Variants in PRDM16 observed in about 807,000 individuals in gnomAD.
PRDM16 encodes histone-lysine N-methyltransferase PRDM16.
In PRDM16, 23 loss-of-function variants were observed where a neutral mutation model predicts 110.6. The observed-to-expected ratio is 0.21, with a 90% CI of 0.15 to 0.29. The LOEUF (loss-of-function observed/expected upper bound fraction) is 0.29. Among genes scored for constraint, PRDM16 ranks in the 10% least tolerant of loss-of-function variants. The pLI, the probability that PRDM16 is intolerant of heterozygous loss-of-function variation, is 1.00. For synonymous variants in PRDM16, 799 were observed against 781.8 expected, an observed-to-expected ratio of 1.02 and a Z score of -0.37; for missense variants, 1,615 against 1,794.3, an observed-to-expected ratio of 0.90 and a Z score of 1.81.
chr1:3,228,652 C>T (rs1310968857), intron 2 of PRDM16, among the ~76,000 whole-genome samples: 2 of 152,174 alleles, frequency 1.3e-5, no homozygotes, highest in Non-Finnish European at 2.9e-5. Flanking sequence ...AGGGCTTCGG[C>T]CTGTACATAT....
chr1:3,234,778 T>A (rs573426236), intron 2 of PRDM16, among the ~76,000 whole-genome samples: 1 of 152,188 alleles, frequency 6.6e-6, no homozygotes, highest in African/African-American at 2.4e-5. Context: ...TGATTTATTA[T>A]TCGGTAAATG....
rs766836035 is a variant in PRDM16, at chr1:3,435,480, C to T, written c.*1669C>T. The stretch of plus-strand genomic sequence containing the variant: ...CAATCATATGTTTTTGTTAAATTTG[C>T]GTTTCAGTTACATTTGCATTTAAGA... On this transcript the variant is annotated 3_prime_UTR_variant, in exon 17 of 17. Transcript: ENST00000270722. 10 of 229,556 alleles carry T rather than the reference C, an allele frequency of 4.4e-5. No individual in the cohort carries two copies. Among genetic ancestry groups the T allele is most frequent in the African/African-American group, 1.1e-4 (5 of 45,072 alleles). 14.2% of individuals were successfully genotyped at this position (229,556 alleles called of 1,614,324 possible).
intron 2 of PRDM16, among the ~76,000 whole-genome samples, chr1:3,234,792 C>T (rs770152021): frequency 3.9e-5 from 6 of 152,236 alleles, no homozygotes; most frequent in African/African-American, 9.6e-5. Context: ...GTAAATGCCA[C>T]GTGGGGTCTC....
chr1:3,226,635 C>G (rs1297706910), intron 2 of PRDM16, among the ~76,000 whole-genome samples: 1 of 152,130 alleles, frequency 6.6e-6, no homozygotes, highest in African/African-American at 2.4e-5. Flanking sequence ...TCCTTATTGC[C>G]CAGCCTCTAA....
At position 3,186,324 on chromosome 1, in the gene PRDM16, G is replaced by T. The variant is rs143467979; in HGVS notation, c.237G>T (p.Pro79=). Residue 79 remains proline (P), a synonymous_variant, in exon 2 of 17, where the codon CCG becomes CCT. Transcript: ENST00000270722. ...CTGTCTACATTCCTGAAGACATTCC[G>T]ATCCCAGCAGACTTCGAGCTCCGAG... ...EAPVYIPEDI[P]IPADFELRES... 225 of 1,612,144 alleles carry T rather than the reference G, an allele frequency of 1.4e-4. No homozygotes were observed. Among genetic ancestry groups the T allele is most frequent in the Non-Finnish European group, 1.6e-4 (183 of 1,179,730 alleles).
chr1:3,195,232 G>A (rs545191711), intron 2 of PRDM16, among the ~76,000 whole-genome samples: 1 of 152,328 alleles, frequency 6.6e-6, no homozygotes, highest in Admixed American at 6.5e-5. Flanking sequence ...TGCCGTGGAG[G>A]AGTCACAGCA....
intron 5 of PRDM16, among the ~76,000 whole-genome samples, chr1:3,399,681 C>A (rs980219139): frequency 6.6e-6 from 1 of 152,198 alleles, no homozygotes; most frequent in African/African-American, 2.4e-5. Context: ...TTCTCATTTG[C>A]AATCTAAATT....
At chr1:3,426,361 C>T (rs1266364311) in intron 14 of PRDM16, 136 bp downstream of exon 14, 5 of 648,052 alleles carry the variant, frequency 7.7e-6, no homozygotes, top group Non-Finnish European at 1.3e-5. Context: ...GGCCTCACCA[C>T]AGAGGGTGAG....
At chr1:3,073,188 TGGGTGAAGGGGACCCAGCA>T (rs977979420) in intron 1 of PRDM16, among the ~76,000 whole-genome samples, 2 of 152,116 alleles carry the variant, frequency 1.3e-5, no homozygotes, top group Non-Finnish European at 2.9e-5. Flanking sequence ...GCCGGGAGGC[TGGGTGAAGGGGACCCAGCA>T]GCCAGGGGCT....
chr1:3,148,470 C>A lies in PRDM16; in HGVS notation c.38-37655C>A, dbSNP rs370875941. 6.6e-6 allele frequency among the ~76,000 whole-genome samples: 1 copy of A among 152,174 alleles called. No individual in the cohort carries two copies. The highest frequency in any genetic ancestry group is 1.5e-5 in the Non-Finnish European group (1 of 68,018). On this transcript the variant is annotated intron_variant, in intron 1 of 16. Coordinates refer to ENST00000270722, the MANE Select transcript of PRDM16 (RefSeq NM_022114.4). This position sits in a 1 kb window ranked among gnomAD's most constrained non-coding sequence, Gnocchi z 5.0. Reference sequence around the variant, plus strand: ...CATTGGGTGCATCCAGCCACTCACCCGCAGCAGGTGGAACCCCTGCCTCAC... The same window carrying A: ...CATTGGGTGCATCCAGCCACTCACCAGCAGCAGGTGGAACCCCTGCCTCAC...
At position 3,388,925 on chromosome 1, in the gene PRDM16, G is replaced by A. The variant is rs370454939; in HGVS notation, c.573+3639G>A. 6.0e-4 allele frequency among the ~76,000 whole-genome samples: 91 copies of A among 152,348 alleles called. 1 individual carries two copies. The highest frequency in any genetic ancestry group is 6.8e-3 in the Middle Eastern group (2 of 294). ...CGCATCCCTCATGGTTCCATGCAGT[G>A]TACTGGCGCTCTAGCTGATGCTTTG... is the stretch of plus-strand genomic sequence containing the variant. On this transcript the variant is annotated intron_variant, in intron 4 of 16. Coordinates refer to ENST00000270722, the MANE Select transcript of PRDM16 (RefSeq NM_022114.4).
intron 8 of PRDM16, 138 bp from the exon 9 acceptor site, chr1:3,411,246 A>C: frequency 1.3e-6 from 1 of 789,596 alleles, no homozygotes; most frequent in African/African-American, 1.7e-5. Flanking sequence ...GCCCACGCAC[A>C]TGCACCCAGA....
At chr1:3,180,947 T>C (rs75792514) in intron 1 of PRDM16, among the ~76,000 whole-genome samples, 2 of 123,294 alleles carry the variant, frequency 1.6e-5, no homozygotes, top group Admixed American at 7.7e-5. Flanking sequence ...CACGCAGCCT[T>C]ACACACGCAG....
At chr1:3,311,931 C>T (rs1641471149) in intron 3 of PRDM16, among the ~76,000 whole-genome samples, 1 of 152,188 alleles carries the variant, frequency 6.6e-6, no homozygotes, top group South Asian at 2.1e-4. Context: ...TGCAGGTCAG[C>T]TCCCGGGGCC....
At chr1:3,296,338 C>T (rs1233331615) in intron 3 of PRDM16, among the ~76,000 whole-genome samples, 2 of 152,238 alleles carry the variant, frequency 1.3e-5, no homozygotes, top group Non-Finnish European at 2.9e-5. Flanking sequence ...GAGAGGCAGC[C>T]AGGGAGCTGC....
intron 3 of PRDM16, among the ~76,000 whole-genome samples, chr1:3,372,750 G>A (rs1352096616): frequency 6.6e-6 from 1 of 152,236 alleles, no homozygotes; most frequent in Non-Finnish European, 1.5e-5. Context: ...AGCTGTTAAT[G>A]TTTGAACTAT....
At chr1:3,071,457 C>G (rs1460689536) in intron 1 of PRDM16, among the ~76,000 whole-genome samples, 1 of 152,196 alleles carries the variant, frequency 6.6e-6, no homozygotes, top group African/African-American at 2.4e-5. Context: ...GGCCCTCTGT[C>G]CACACTTGGC....
intron 1 of PRDM16, among the ~76,000 whole-genome samples, chr1:3,160,200 CG>C (rs1643886963): frequency 6.6e-6 from 1 of 152,170 alleles, no homozygotes; most frequent in South Asian, 2.1e-4. Context: ...TGGGGATCCC[CG>C]GTGAGGCCGC....
intron 1 of PRDM16, among the ~76,000 whole-genome samples, chr1:3,077,284 C>T (rs1641921444): frequency 2.0e-5 from 3 of 152,158 alleles, no homozygotes; most frequent in Admixed American, 6.5e-5. Context: ...CCCCAGAAAC[C>T]CAGGCTCTGT....
Sources: gnomAD v4.1 joint callset for allele counts (sites outside exome capture counted in the v4.1 genomes callset) on GRCh38, gnomAD v4.1.1 for gene constraint, Gnocchi (gnomAD v3.1) non-coding constraint, MANE v1.5 for transcripts, NCBI Gene and HGNC (gene_info 2026-07-23, HGNC 2026-07-21) for gene names.